RUFY3: variants seen among roughly 807,000 people sequenced by gnomAD.
RUFY3 encodes the protein protein RUFY3.
RUFY3 carries 34 observed loss-of-function variants against 84.0 expected under a neutral mutation model. The observed-to-expected ratio is 0.40, with a 90% CI of 0.31 to 0.54. RUFY3 has a LOEUF of 0.54. Ranked by LOEUF, RUFY3 falls within the 20% of genes least tolerant of loss-of-function variation. The pLI is 0.39. For synonymous variants in RUFY3, 242 were observed against 252.9 expected, an observed-to-expected ratio of 0.96 and a Z score of 0.41; for missense variants, 507 against 736.8, an observed-to-expected ratio of 0.69 and a Z score of 3.61.
At chr4:70,791,140 AC>A in intron 12 of RUFY3, 1 of 1,119,584 alleles carries the variant, frequency 8.9e-7, no homozygotes, top group Non-Finnish European at 1.3e-6. Flanking sequence ...TATTAAGCTG[AC>A]TTATTCTCTT....
At chr4:70,710,609 G>T (rs1171345946) in intron 1 of RUFY3, among the ~76,000 whole-genome samples, 1 of 152,036 alleles carries the variant, frequency 6.6e-6, no homozygotes, top group Admixed American at 6.6e-5. Context: ...GGTAGAGGTT[G>T]TGGTGAGCCG....
chr4:70,752,131 G>A (rs1723241254), intron 1 of RUFY3, among the ~76,000 whole-genome samples: 1 of 152,060 alleles, frequency 6.6e-6, no homozygotes, highest in Non-Finnish European at 1.5e-5. Flanking sequence ...CCATGTACAA[G>A]TCTTGTACTT....
At position 70,793,787 on chromosome 4, in the gene RUFY3, T is replaced by G. The variant is rs200834627; in HGVS notation, c.1340T>G (p.Leu447Trp). The G allele has an allele frequency of 6.2e-7, 1 of 1,614,024 alleles. No homozygotes were observed. The highest frequency in any genetic ancestry group is 2.2e-5 in the East Asian group (1 of 44,880). ...AATIKQLEQR[L>W]RQAERSRQSA... ...AAGTTCATGTGGCTCACATCCAGAT[T>G]GCGCCAGGCTGAGCGAAGCCGCCAA... The change falls in exon 13 of 18, where the codon TTG becomes TGG. Residue 447 changes from leucine to tryptophan, a missense_variant and splice_region_variant. Around this residue, in one of 4 missense-constraint regions of RUFY3, gnomAD observed 334 missense variants for 364.1 expected, o/e 0.92. Coordinates refer to ENST00000381006, the MANE Select transcript of RUFY3 (RefSeq NM_001037442.4).
intron 9 of RUFY3, 72 bp from the exon 10 acceptor site, chr4:70,784,724 G>T: frequency 1.1e-6 from 1 of 885,158 alleles, no homozygotes; most frequent in Non-Finnish European, 1.6e-6. Context: ...TTCTTGCTAA[G>T]TAGCAGTGTT....
chr4:70,738,822 G>T (rs1417867722), intron 1 of RUFY3, among the ~76,000 whole-genome samples: 1 of 151,618 alleles, frequency 6.6e-6, no homozygotes, highest in Non-Finnish European at 1.5e-5. Flanking sequence ...ACCCAGGCTG[G>T]AGTGCCGTGG....
intron 1 of RUFY3, among the ~76,000 whole-genome samples, chr4:70,737,667 T>C (rs1322881875): frequency 1.3e-5 from 2 of 150,414 alleles, no homozygotes; most frequent in Non-Finnish European, 2.9e-5. Context: ...GTCACTAATA[T>C]TAATTCCTCT....
At chr4:70,759,372 ATGTG>A (rs56698934) in intron 1 of RUFY3, among the ~76,000 whole-genome samples, 1,998 of 145,818 alleles carry the variant, frequency 0.014, 25 homozygotes, top group African/African-American at 0.037. Context: ...GTGTGTGTGT[ATGTG>A]TGTGTGTGTG....
At chr4:70,752,661 T>G (rs73824882) in intron 1 of RUFY3, among the ~76,000 whole-genome samples, 1 of 152,234 alleles carries the variant, frequency 6.6e-6, no homozygotes, top group Non-Finnish European at 1.5e-5. Context: ...CTGCTTCTAA[T>G]GAAATGACCA....
At chr4:70,787,455 C>T (rs1030295254) in intron 10 of RUFY3, among the ~76,000 whole-genome samples, 3 of 151,442 alleles carry the variant, frequency 2.0e-5, no homozygotes, top group African/African-American at 7.3e-5. Context: ...TGGGGTTTCA[C>T]CATGTTGGCC....
rs1205210346 is a variant in RUFY3 at position 70,800,141 on chromosome 4, G to A, written c.1558G>A (p.Asp520Asn). 12 of 1,604,518 alleles carry A rather than the reference G, an allele frequency of 7.5e-6. No homozygotes were observed. The highest frequency in any genetic ancestry group is 1.3e-5 in the African/African-American group (1 of 74,342). ...RGSQKSESKM[D>N]GKHKMQEENV... ...AAATTGGGCTGTTTTCTTTTGGCAG[G>A]ATGGGAAGCACAAAATGCAAGAGGA... is the stretch of plus-strand genomic sequence containing the variant. Residue 520 changes from aspartate to asparagine, a missense_variant and splice_region_variant, in exon 15 of 18, where the codon GAT (aspartate) becomes AAT (asparagine). Around this residue, in one of 4 missense-constraint regions of RUFY3, gnomAD observed 334 missense variants for 364.1 expected, o/e 0.92. Transcript: ENST00000381006.
At chr4:70,754,712 T>C (rs1723700211) in intron 1 of RUFY3, among the ~76,000 whole-genome samples, 1 of 152,060 alleles carries the variant, frequency 6.6e-6, no homozygotes, top group African/African-American at 2.4e-5. Flanking sequence ...TTTTTAGTAC[T>C]TTCACTTCTT....
At chr4:70,806,395 G>A in intron 17 of RUFY3, 121 bp from the exon 18 acceptor site, 1 of 1,144,918 alleles carries the variant, frequency 8.7e-7, no homozygotes, top group South Asian at 1.5e-5. Flanking sequence ...CTGGCACATA[G>A]TAAACATTCA....
chr4:70,752,450 A>G (rs1723288600), intron 1 of RUFY3, among the ~76,000 whole-genome samples: 1 of 152,156 alleles, frequency 6.6e-6, no homozygotes, highest in African/African-American at 2.4e-5. Context: ...ACTCGCCTAT[A>G]CAATTTGGTT....
chr4:70,726,522 C>G (rs560718890), intron 1 of RUFY3, among the ~76,000 whole-genome samples: 1 of 152,100 alleles, frequency 6.6e-6, no homozygotes, highest in Non-Finnish European at 1.5e-5. Flanking sequence ...TACAGGCATG[C>G]GCCACCACGC....
intron 1 of RUFY3, among the ~76,000 whole-genome samples, chr4:70,723,614 A>G (rs1717739442): frequency 1.3e-5 from 2 of 152,332 alleles, no homozygotes; most frequent in South Asian, 2.1e-4. Flanking sequence ...AGCTGATTTG[A>G]ATCATAGCTA....
At chr4:70,798,059 G>A (rs1560573357) in intron 14 of RUFY3, among the ~76,000 whole-genome samples, 1 of 151,876 alleles carries the variant, frequency 6.6e-6, no homozygotes, top group African/African-American at 2.4e-5. Flanking sequence ...TCTCTTCCTT[G>A]ATTCTTGAGT....
chr4:70,748,462 T>C (rs1722587108), intron 1 of RUFY3, among the ~76,000 whole-genome samples: 1 of 152,220 alleles, frequency 6.6e-6, no homozygotes, highest in South Asian at 2.1e-4. Flanking sequence ...TCATTTGAAG[T>C]ACAAATGTAC....
intron 1 of RUFY3, among the ~76,000 whole-genome samples, chr4:70,726,102 A>C (rs986740344): frequency 7.9e-5 from 12 of 152,184 alleles, no homozygotes; most frequent in African/African-American, 2.9e-4. Context: ...AACTTTTAAA[A>C]TGGTCTGGGT....
chr4:70,734,850 C>T (rs572112637), intron 1 of RUFY3, among the ~76,000 whole-genome samples: 7 of 152,308 alleles, frequency 4.6e-5, no homozygotes, highest in Non-Finnish European at 1.0e-4. Flanking sequence ...ACCACAGTGC[C>T]TTACAGTATT....
Sources: allele counts gnomAD v4.1 joint callset (sites outside exome capture counted in the v4.1 genomes callset), GRCh38; gene constraint gnomAD v4.1.1; regional missense constraint gnomAD v4.1.1; transcripts MANE v1.5; gene names NCBI Gene and HGNC (gene_info 2026-07-23, HGNC 2026-07-21).